CACNA2D3: variants seen among roughly 807,000 people sequenced by gnomAD.
The protein encoded by CACNA2D3 is calcium voltage-gated channel auxiliary subunit alpha2delta 3.
CACNA2D3 carries 60 observed loss-of-function variants against 160.6 expected under a neutral mutation model. That is an observed-to-expected ratio of 0.37 (90% confidence interval 0.30 to 0.46). The LOEUF (loss-of-function observed/expected upper bound fraction) is 0.46, where lower values mean the gene tolerates loss of function less well. CACNA2D3 is among the 20% of genes least tolerant of loss of function. The probability of loss-of-function intolerance (pLI) is 1.00; values close to 1 mark genes in which losing one functional copy is unlikely to be tolerated. For synonymous variants in CACNA2D3, 558 were observed against 492.9 expected (o/e 1.13, Z -1.75); for missense variants, 1,205 against 1,365.0 (o/e 0.88, Z 1.85).
chr3:54,488,668 A>G (rs778410933), intron 4 of CACNA2D3, among the ~76,000 whole-genome samples: 6 of 152,036 alleles, frequency 3.9e-5, no homozygotes, highest in Admixed American at 6.5e-5. Context: ...CTTTCTTCGC[A>G]TTCCTTCAAC....
chr3:54,221,053 T>C lies in CACNA2D3; in HGVS notation c.204+97459T>C, dbSNP rs141499657. Among the ~76,000 whole-genome samples the C allele has an allele frequency of 1.0e-3, 153 of 152,330 alleles. 4 individuals are homozygous for C. In the East Asian group the frequency reaches 0.026, roughly 26 times the overall value. Reference sequence around the variant, plus strand: ...CTATTCAACCAGCAGACATTTATCCTGTCTCCTCCATGCCAGGCACAGGCA... The same window carrying C: ...CTATTCAACCAGCAGACATTTATCCCGTCTCCTCCATGCCAGGCACAGGCA... On this transcript the variant is annotated intron_variant, in intron 2 of 37. Coordinates refer to ENST00000474759, the MANE Select transcript of CACNA2D3 (RefSeq NM_018398.3).
intron 3 of CACNA2D3, among the ~76,000 whole-genome samples, chr3:54,337,246 C>A (rs554685907): frequency 1.3e-5 from 2 of 152,174 alleles, no homozygotes; most frequent in Non-Finnish European, 2.9e-5. Context: ...ACCTGGCTTC[C>A]CACCTTGTGC....
intron 29 of CACNA2D3, among the ~76,000 whole-genome samples, chr3:54,984,281 G>A (rs1339701489): frequency 1.3e-5 from 2 of 151,406 alleles, no homozygotes; most frequent in Non-Finnish European, 2.9e-5. Flanking sequence ...TTGTTCCTGG[G>A]AAATATTATT....
chr3:54,716,970 T>C (rs961304224), intron 11 of CACNA2D3, among the ~76,000 whole-genome samples: 2 of 151,764 alleles, frequency 1.3e-5, no homozygotes, highest in African/African-American at 4.8e-5. Flanking sequence ...AGACAGAACC[T>C]GCCAGGACCT....
chr3:55,012,490 T>G (rs1253776184), intron 34 of CACNA2D3, among the ~76,000 whole-genome samples: 1 of 152,152 alleles, frequency 6.6e-6, no homozygotes, highest in Non-Finnish European at 1.5e-5. Context: ...GTTTCCCTTC[T>G]TTGTGACCTG....
intron 9 of CACNA2D3, among the ~76,000 whole-genome samples, chr3:54,601,631 A>G (rs1315743550): frequency 6.6e-6 from 1 of 152,076 alleles, no homozygotes; most frequent in East Asian, 1.9e-4. Flanking sequence ...CAGTCTGTCC[A>G]CCGACATAGT....
At chr3:54,373,184 C>T (rs554617461) in intron 3 of CACNA2D3, among the ~76,000 whole-genome samples, 2 of 152,280 alleles carry the variant, frequency 1.3e-5, no homozygotes, top group Non-Finnish European at 2.9e-5. Context: ...TCGTATTAAT[C>T]GAAACCAGGG....
At chr3:54,901,790 T>C (rs1026093740) in intron 27 of CACNA2D3, among the ~76,000 whole-genome samples, 1 of 152,186 alleles carries the variant, frequency 6.6e-6, no homozygotes, top group African/African-American at 2.4e-5. Context: ...GGTTTTGATG[T>C]TGAAGACTGC....
At chr3:54,646,587 T>C (rs1306086762) in intron 11 of CACNA2D3, among the ~76,000 whole-genome samples, 3 of 152,142 alleles carry the variant, frequency 2.0e-5, no homozygotes, top group Admixed American at 2.0e-4. Flanking sequence ...TTTTTCCTTT[T>C]TATGGCTGCA....
At position 54,569,848 on chromosome 3, in the gene CACNA2D3, C is replaced by T. The variant is rs1417940298; in HGVS notation, c.730C>T (p.Arg244Ter). 1 of 1,609,350 alleles carries T rather than the reference C, an allele frequency of 6.2e-7. No homozygotes were observed. The highest frequency in any genetic ancestry group is 8.5e-7 in the Non-Finnish European group (1 of 1,177,604). ...AGTCATTGCCTTCGACTGCAGGAAC[C>T]GAAAATGGTAGGCAGTGGTCAGACC... ...NGVIAFDCRN[R>*]KWYIQAATSP... Residue 244 changes from arginine to a stop codon, truncating the protein, a stop_gained, in exon 7 of 38, where the codon CGA becomes TGA. Coordinates refer to ENST00000474759, the MANE Select transcript of CACNA2D3 (RefSeq NM_018398.3). LOFTEE classifies it high-confidence loss of function.
At chr3:54,215,571 T>G (rs1318885423) in intron 2 of CACNA2D3, among the ~76,000 whole-genome samples, 1 of 152,154 alleles carries the variant, frequency 6.6e-6, no homozygotes, top group Non-Finnish European at 1.5e-5. Context: ...GTTCTCTGGG[T>G]TTGCCATGCA....
At chr3:54,624,439 G>A (rs1422886642) in intron 9 of CACNA2D3, among the ~76,000 whole-genome samples, 1 of 152,092 alleles carries the variant, frequency 6.6e-6, no homozygotes, top group Admixed American at 6.6e-5. Context: ...TGGCTAACAC[G>A]GTGAAACCCC....
At chr3:54,301,734 G>A (rs1703481275) in intron 2 of CACNA2D3, among the ~76,000 whole-genome samples, 1 of 152,086 alleles carries the variant, frequency 6.6e-6, no homozygotes, top group Non-Finnish European at 1.5e-5. Flanking sequence ...GCACACATGG[G>A]CGCACACACA....
intron 17 of CACNA2D3, among the ~76,000 whole-genome samples, chr3:54,850,175 T>C (rs1699024876): frequency 6.6e-6 from 1 of 152,176 alleles, no homozygotes; most frequent in Admixed American, 6.5e-5. Context: ...ATAGATTAAC[T>C]GATGTTGGTT....
At chr3:54,566,074 C>G (rs529258510) in intron 6 of CACNA2D3, among the ~76,000 whole-genome samples, 2 of 152,296 alleles carry the variant, frequency 1.3e-5, no homozygotes, top group South Asian at 4.1e-4. Context: ...TGGCAGCTGC[C>G]CTCTCTCTTC....
intron 35 of CACNA2D3, among the ~76,000 whole-genome samples, chr3:55,018,946 C>CTT (rs35956279): frequency 8.4e-5 from 10 of 118,530 alleles, no homozygotes; most frequent in African/African-American, 1.3e-4. Flanking sequence ...TTACAGATGC[C>CTT]TTTTTTTTTT....
At chr3:54,171,136 CTT>C (rs57761171) in intron 2 of CACNA2D3, among the ~76,000 whole-genome samples, 2,844 of 62,476 alleles carry the variant, frequency 0.046, 198 homozygotes, top group African/African-American at 0.15. Context: ...AAGATGATGA[CTT>C]TTTTTTTTTT....
At chr3:54,828,870 G>A (rs531901736) in intron 14 of CACNA2D3, among the ~76,000 whole-genome samples, 2 of 152,286 alleles carry the variant, frequency 1.3e-5, no homozygotes, top group East Asian at 3.9e-4. Flanking sequence ...TTGGCTAAAA[G>A]CAAAATATCT....
intron 3 of CACNA2D3, among the ~76,000 whole-genome samples, chr3:54,356,083 T>C (rs1453354665): frequency 1.7e-5 from 2 of 120,040 alleles, no homozygotes; most frequent in Non-Finnish European, 3.2e-5. Context: ...TAATCTGTGA[T>C]GACAATCCCA....
Sources: allele counts gnomAD v4.1 joint callset (sites outside exome capture counted in the v4.1 genomes callset), GRCh38; gene constraint gnomAD v4.1.1; transcripts MANE v1.5; gene names NCBI Gene and HGNC (gene_info 2026-07-23, HGNC 2026-07-21).